Variants in TNR observed in about 807,000 individuals in gnomAD.
TNR encodes the protein tenascin R, also known as tenascin-R.
In TNR, 45 loss-of-function variants were observed where a neutral mutation model predicts 150.4. The observed-to-expected ratio is 0.30, with a 90% CI of 0.24 to 0.38. The LOEUF is 0.38. Among genes scored for constraint, TNR ranks in the 10% least tolerant of loss-of-function variants. The pLI is 1.00. For missense variants in TNR, 1,544 were observed against 1,759.1 expected (o/e 0.88, Z 2.19); for synonymous variants, 687 against 678.4 (o/e 1.01, Z -0.20).
intron 1 of TNR, among the ~76,000 whole-genome samples, chr1:175,670,214 G>A (rs1665654482): frequency 6.6e-6 from 1 of 152,142 alleles, no homozygotes; most frequent in Non-Finnish European, 1.5e-5. Context: ...TATGTCCAGG[G>A]GCACGAGGCT....
rs779084932 is a variant in TNR, at chr1:175,391,402, C to G, written c.1393G>C (p.Asp465His). 1 of 1,614,178 alleles carries G rather than the reference C, an allele frequency of 6.2e-7. No homozygotes were observed. The highest frequency in any genetic ancestry group is 8.5e-7 in the Non-Finnish European group (1 of 1,180,034). ...CCTGTCTGGTTAAAGGACGTAACAT[C>G]GCTGGGGACCTGAGCAATCACTCCC... Reference protein sequence around the residue: ...EGGVIAQVPSDVTSFNQTGLK... With the variant: ...EGGVIAQVPSHVTSFNQTGLK... Residue 465 changes from aspartate to histidine, a missense_variant, in exon 7 of 23, where the codon GAT becomes CAT. Coordinates refer to ENST00000367674, the MANE Select transcript of TNR (RefSeq NM_003285.3).
chr1:175,407,575 A>C (rs189307951), intron 2 of TNR, among the ~76,000 whole-genome samples: 1 of 152,340 alleles, frequency 6.6e-6, no homozygotes, highest in East Asian at 1.9e-4. Context: ...TTCTCTATGC[A>C]AAACAGAAAA....
chr1:175,617,796 A>T (rs970688213), intron 1 of TNR, among the ~76,000 whole-genome samples: 3 of 152,256 alleles, frequency 2.0e-5, no homozygotes, highest in African/African-American at 4.8e-5. Context: ...ACTACACAAC[A>T]TCTTTTTTTA....
intron 1 of TNR, among the ~76,000 whole-genome samples, chr1:175,712,165 A>G (rs1010495060): frequency 1.3e-5 from 2 of 152,184 alleles, no homozygotes; most frequent in African/African-American, 4.8e-5. Flanking sequence ...TGCTTCTCAT[A>G]ACAACCCCAT....
chr1:175,391,342 C>CAA lies in TNR; in HGVS notation c.1452_1453insTT (p.Val485LeufsTer4). ...CTGCGGGCCTGTTCTTTCAGAGCCA[C>CAA]CACATTGACAATGTATTCCTCCCCA... On this transcript the variant is annotated frameshift_variant, in exon 7 of 23. Transcript: ENST00000367674. LOFTEE classifies it high-confidence loss of function. 1 of 1,614,144 alleles carries CAA rather than the reference C, an allele frequency of 6.2e-7. No homozygotes were observed. The highest frequency in any genetic ancestry group is 8.5e-7 in the Non-Finnish European group (1 of 1,180,030).
At chr1:175,327,502 C>T (rs1486330292) in intron 21 of TNR, among the ~76,000 whole-genome samples, 1 of 152,162 alleles carries the variant, frequency 6.6e-6, no homozygotes, top group Non-Finnish European at 1.5e-5. Context: ...CTAAACCCCA[C>T]TTCTATTTTT....
chr1:175,496,766 G>C (rs1658506643), intron 2 of TNR, among the ~76,000 whole-genome samples: 1 of 152,184 alleles, frequency 6.6e-6, no homozygotes, highest in South Asian at 2.1e-4. Flanking sequence ...AGTCTTCTGT[G>C]TTTTATAGAC....
intron 2 of TNR, among the ~76,000 whole-genome samples, chr1:175,480,443 G>GAAAGAAAGAAAGAAAGAAAGAA (rs199763120): frequency 5.5e-4 from 52 of 94,724 alleles, no homozygotes; most frequent in Non-Finnish European, 7.0e-4. Context: ...AAGAAAGAAA[G>GAAAGAAAGAAAGAAAGAAAGAA]AGAAAGAAAG....
chr1:175,723,959 A>ATAATATTTTTATTTT (rs1481558575), intron 1 of TNR, among the ~76,000 whole-genome samples: 2 of 152,168 alleles, frequency 1.3e-5, no homozygotes, highest in East Asian at 3.8e-4. Flanking sequence ...TATACAGAAT[A>ATAATATTTTTATTTT]TAATATTTTT....
chr1:175,423,251 T>C (rs948743777), intron 2 of TNR, among the ~76,000 whole-genome samples: 1 of 152,154 alleles, frequency 6.6e-6, no homozygotes, highest in African/African-American at 2.4e-5. Flanking sequence ...AGAGGTTCAT[T>C]ATGGGCCATC....
At position 175,480,722 on chromosome 1, in the gene TNR, G is replaced by A. The variant is rs76911993; in HGVS notation, c.-64+47547C>T. ...AAATCGGATGCTAGTAAATGAGAGA[G>A]GCCAGATTTGAATTCAGAACATATC... On this transcript the variant is annotated intron_variant, in intron 2 of 22. Transcript: ENST00000367674. 4.7e-3 allele frequency among the ~76,000 whole-genome samples: 719 copies of A among 152,266 alleles called. 6 individuals are homozygous for A. Among genetic ancestry groups the A allele is most frequent in the African/African-American group, 0.016 (682 of 41,538 alleles).
intron 2 of TNR, among the ~76,000 whole-genome samples, chr1:175,487,193 G>C (rs1045605906): frequency 2.6e-5 from 4 of 151,844 alleles, no homozygotes; most frequent in African/African-American, 9.7e-5. Context: ...CAGGTACTAG[G>C]TTCTTATAAG....
At chr1:175,382,354 G>GA (rs1652720284) in intron 8 of TNR, among the ~76,000 whole-genome samples, 1 of 152,316 alleles carries the variant, frequency 6.6e-6, no homozygotes, top group South Asian at 2.1e-4. Flanking sequence ...AGAAGGTGCA[G>GA]AAAAAAGGAT....
chr1:175,587,330 C>T (rs1662613401), intron 1 of TNR, among the ~76,000 whole-genome samples: 1 of 152,136 alleles, frequency 6.6e-6, no homozygotes, highest in African/African-American at 2.4e-5. Flanking sequence ...GACTGTGATC[C>T]AGGTTTGAAT....
chr1:175,567,286 G>C (rs1216142899), intron 1 of TNR, among the ~76,000 whole-genome samples: 1 of 152,210 alleles, frequency 6.6e-6, no homozygotes, highest in Non-Finnish European at 1.5e-5. Context: ...CCCATGTCGA[G>C]GCATTTCCAC....
intron 15 of TNR, among the ~76,000 whole-genome samples, chr1:175,356,668 G>A (rs1651344441): frequency 1.3e-5 from 2 of 152,062 alleles, no homozygotes; most frequent in Non-Finnish European, 2.9e-5. Flanking sequence ...TTCTTTATGT[G>A]CAGGTCAAAT....
At chr1:175,403,084 C>T (rs1166249573) in intron 4 of TNR, 56 bp downstream of exon 4, 1 of 1,451,800 alleles carries the variant, frequency 6.9e-7, no homozygotes, top group African/African-American at 1.4e-5. Context: ...CTGGAGGCAT[C>T]CAGCTAGTTT....
chr1:175,339,651 G>A (rs1293938437), intron 18 of TNR, among the ~76,000 whole-genome samples: 2 of 152,120 alleles, frequency 1.3e-5, no homozygotes, highest in African/African-American at 2.4e-5. Context: ...AGCAATTAGT[G>A]CCCTTGGTCT....
intron 2 of TNR, among the ~76,000 whole-genome samples, chr1:175,447,781 G>C (rs1656130064): frequency 6.6e-6 from 1 of 152,198 alleles, no homozygotes; most frequent in Non-Finnish European, 1.5e-5. Flanking sequence ...CGTGTGGTCA[G>C]GGAGATGTGT....
Sources: allele counts gnomAD v4.1 joint callset (sites outside exome capture counted in the v4.1 genomes callset), GRCh38; gene constraint gnomAD v4.1.1; transcripts MANE v1.5; gene names NCBI Gene and HGNC (gene_info 2026-07-23, HGNC 2026-07-21).